AGMO: variants seen among roughly 807,000 people sequenced by gnomAD.
The protein encoded by AGMO is alkylglycerol monooxygenase.
AGMO carries 75 observed loss-of-function variants against 60.2 expected under a neutral mutation model. The ratio of observed to expected loss-of-function variants is 1.25; its 90% CI spans 1.03 to 1.51. The LOEUF (loss-of-function observed/expected upper bound fraction) is 1.51, where lower values mean the gene tolerates loss of function less well. Ranked by LOEUF, AGMO falls within the 40% of genes most tolerant of loss-of-function variation. AGMO has a pLI of 0.00. For synonymous variants in AGMO, 261 were observed against 177.1 expected, an observed-to-expected ratio of 1.47 and a Z score of -3.76; for missense variants, 763 against 525.5, an observed-to-expected ratio of 1.45 and a Z score of -4.42.
chr7:15,504,842 C>G (rs1461773183), intron 3 of AGMO, among the ~76,000 whole-genome samples: 1 of 151,132 alleles, frequency 6.6e-6, no homozygotes, highest in Non-Finnish European at 1.5e-5. Context: ...TGTCCCTAAT[C>G]TGGAACTGAA....
intron 12 of AGMO, among the ~76,000 whole-genome samples, chr7:15,230,481 G>A (rs1359707984): frequency 1.3e-5 from 2 of 152,158 alleles, no homozygotes; most frequent in Non-Finnish European, 2.9e-5. Flanking sequence ...TCCTACAGGG[G>A]AAGCTCCCCT....
chr7:15,293,938 A>T (rs1463430775), intron 12 of AGMO, among the ~76,000 whole-genome samples: 1 of 151,388 alleles, frequency 6.6e-6, no homozygotes, highest in African/African-American at 2.5e-5. Context: ...GTTATTAGGT[A>T]AAGTTGAATT....
intron 3 of AGMO, among the ~76,000 whole-genome samples, chr7:15,451,012 A>C (rs1781842640): frequency 1.3e-5 from 2 of 152,158 alleles, no homozygotes; most frequent in South Asian, 4.1e-4. Context: ...ATCTGTGAAT[A>C]ATGAAGGTAA....
intron 12 of AGMO, among the ~76,000 whole-genome samples, chr7:15,335,832 C>T (rs1016475363): frequency 2.0e-5 from 3 of 152,130 alleles, no homozygotes; most frequent in Admixed American, 6.6e-5. Context: ...TCACAATATT[C>T]GGATTTCTCA....
At chr7:15,244,879 C>T (rs1036229811) in intron 12 of AGMO, among the ~76,000 whole-genome samples, 6 of 152,136 alleles carry the variant, frequency 3.9e-5, no homozygotes, top group African/African-American at 1.4e-4. Context: ...GTCTCGATCT[C>T]CTGACTTTGT....
intron 12 of AGMO, among the ~76,000 whole-genome samples, chr7:15,276,520 A>G (rs527951150): frequency 6.6e-6 from 1 of 151,930 alleles, no homozygotes; most frequent in Non-Finnish European, 1.5e-5. Flanking sequence ...CCTTGATGAT[A>G]TTTGTCTTAT....
chr7:15,256,737 T>G (rs1316104348), intron 12 of AGMO, among the ~76,000 whole-genome samples: 1 of 152,184 alleles, frequency 6.6e-6, no homozygotes, highest in Non-Finnish European at 1.5e-5. Context: ...TAGAGACACA[T>G]GCTGCACAGG....
rs147333692 is a variant in AGMO, at chr7:15,201,347, T to C, written c.1276A>G (p.Ile426Val). 522 of 1,610,678 alleles carry C rather than the reference T, an allele frequency of 3.2e-4. No homozygotes were observed. The highest frequency in any genetic ancestry group is 4.1e-4 in the Non-Finnish European group (483 of 1,178,512). The change falls in exon 13 of 13, where the codon ATT becomes GTT. Residue 426 changes from isoleucine to valine, a missense_variant. By Grantham distance (29) the Ile-to-Val change is conservative. Transcript: ENST00000342526. The stretch of plus-strand genomic sequence containing the variant: ...CTAACTCCCCAGAAAGCAATGCAAA[T>C]GGAAAAAACAATCTGAAGAAATAAA... ...LSSAFEIVFS[I>V]CIAFWGVRSM...
intron 12 of AGMO, among the ~76,000 whole-genome samples, chr7:15,300,206 G>T (rs754837733): frequency 6.6e-6 from 1 of 152,154 alleles, no homozygotes; most frequent in Non-Finnish European, 1.5e-5. Flanking sequence ...AGAAATATCA[G>T]ATAGAGGGGA....
At chr7:15,380,040 C>G (rs576581839) in intron 10 of AGMO, among the ~76,000 whole-genome samples, 5 of 152,186 alleles carry the variant, frequency 3.3e-5, no homozygotes, top group African/African-American at 1.2e-4. Flanking sequence ...AAGACAAACG[C>G]ACAGCTAACA....
chr7:15,308,704 T>C (rs1022882492), intron 12 of AGMO, among the ~76,000 whole-genome samples: 1 of 152,212 alleles, frequency 6.6e-6, no homozygotes, highest in Non-Finnish European at 1.5e-5. Context: ...CCTGTATCTG[T>C]TGATATATTA....
intron 10 of AGMO, among the ~76,000 whole-genome samples, chr7:15,373,668 T>A (rs533930618): frequency 1.3e-5 from 2 of 152,162 alleles, no homozygotes; most frequent in Admixed American, 1.3e-4. Flanking sequence ...AGTCACTACA[T>A]CCTAAAATAA....
chr7:15,184,269 GAGGAAAGAA>G, the AGMO span, among the ~76,000 whole-genome samples: 1 of 138,542 alleles, frequency 7.2e-6, no homozygotes. Flanking sequence ...GGGAGAAAGG[GAGGAAAGAA>G]AAGGAAGGAA....
intron 5 of AGMO, among the ~76,000 whole-genome samples, chr7:15,401,181 T>C (rs1784544015): frequency 6.6e-6 from 1 of 151,806 alleles, no homozygotes. Context: ...GTCTTTCCCA[T>C]TTAAATTGAA....
At chr7:15,375,387 T>TC (rs1783409081) in intron 10 of AGMO, among the ~76,000 whole-genome samples, 1 of 3,442 alleles carries the variant, frequency 2.9e-4, no homozygotes, top group Non-Finnish European at 5.6e-4. Flanking sequence ...TCTAAAAGGA[T>TC]TTTTTTTTTT....
rs1242223786 is a variant in AGMO, at chr7:15,317,918, TAC to T, written c.1263+47594_1263+47595del. ...ATATACACACACACGTATATATATA[TAC>T]ACACACGTATATATATATATACACA... is the stretch of plus-strand genomic sequence containing the variant. On this transcript the variant is annotated intron_variant, in intron 12 of 12. Coordinates refer to ENST00000342526, the MANE Select transcript of AGMO (RefSeq NM_001004320.2). Among the ~76,000 whole-genome samples, 11 of 141,092 alleles carry T rather than the reference TAC, an allele frequency of 7.8e-5. No individual in the cohort carries two copies. The East Asian group carries it at 1.4e-3, about 18-fold the overall frequency. The allele number at this position is 141,092 out of a possible 152,430, so 92.6% of individuals were successfully genotyped here. A position where few individuals can be genotyped will look rare whatever the true frequency, so the allele number is the denominator to read the frequency against.
In AGMO at chr7:15,211,379, G is replaced by A. The variant is rs185927911; in HGVS notation, c.1264-10020C>T. The stretch of plus-strand genomic sequence containing the variant: ...GAGAGATTTTAGTCAACTCTTTCTC[G>A]TTGGTGGTCATAAGTTAAAATGATG... On this transcript the variant is annotated intron_variant, in intron 12 of 12. Transcript: ENST00000342526. Among the ~76,000 whole-genome samples the A allele has an allele frequency of 1.9e-3, 284 of 152,076 alleles. 2 individuals carry two copies. Among genetic ancestry groups the A allele is most frequent in the African/African-American group, 5.9e-3 (247 of 41,534 alleles).
intron 12 of AGMO, among the ~76,000 whole-genome samples, chr7:15,340,262 G>A (rs1435056695): frequency 6.7e-6 from 1 of 149,822 alleles, no homozygotes; most frequent in East Asian, 1.9e-4. Flanking sequence ...CCCATCACAT[G>A]TCACATGAGG....
At chr7:15,504,476 A>G (rs566023694) in intron 3 of AGMO, among the ~76,000 whole-genome samples, 31 of 152,098 alleles carry the variant, frequency 2.0e-4, no homozygotes, top group African/African-American at 7.5e-4. Flanking sequence ...CATAGCTAAC[A>G]TGTCACAACA....
Sources: allele counts gnomAD v4.1 joint callset (sites outside exome capture counted in the v4.1 genomes callset), GRCh38; gene constraint gnomAD v4.1.1; transcripts MANE v1.5; gene names NCBI Gene and HGNC (gene_info 2026-07-23, HGNC 2026-07-21).